The following C1orf146 variants were observed in gnomAD, a reference collection of about 807,000 sequenced individuals.
The protein encoded by C1orf146 is protein SPO16 homolog.
In C1orf146, 22 loss-of-function variants were observed where a neutral mutation model predicts 23.0. That is an observed-to-expected ratio of 0.96 (90% confidence interval 0.68 to 1.36). C1orf146 has a LOEUF of 1.36. Among genes scored for constraint, C1orf146 ranks in the 40% most tolerant of loss-of-function variants. The probability of loss-of-function intolerance (pLI) is 0.00; values close to 1 mark genes in which losing one functional copy is unlikely to be tolerated. For missense variants in C1orf146, 199 were observed against 206.8 expected (o/e 0.96, Z 0.23); for synonymous variants, 59 against 65.3 (o/e 0.90, Z 0.47).
chr1:92,221,761 A>T (rs1220172143), intron 1 of C1orf146, among the ~76,000 whole-genome samples: 6 of 152,206 alleles, frequency 3.9e-5, no homozygotes, highest in Non-Finnish European at 8.8e-5. Context: ...TTTAGTTTCC[A>T]TAGCAGCAAT....
intron 2 of C1orf146, chr1:92,240,839 C>G: frequency 1.4e-5 from 6 of 436,072 alleles, no homozygotes; most frequent in South Asian, 8.6e-5. Context: ...TAAATTTTAA[C>G]CTATCAGGAA....
At chr1:92,219,062 C>T (rs1290692680) in intron 1 of C1orf146, among the ~76,000 whole-genome samples, 2 of 152,162 alleles carry the variant, frequency 1.3e-5, no homozygotes, top group Non-Finnish European at 2.9e-5. Context: ...TTTAAATGAA[C>T]ATTTATGGAT....
At chr1:92,239,081 G>T (rs929975672) in intron 2 of C1orf146, among the ~76,000 whole-genome samples, 13 of 152,084 alleles carry the variant, frequency 8.5e-5, no homozygotes, top group African/African-American at 3.1e-4. Context: ...ATTTTAGGGA[G>T]CTTTCTTAAC....
At chr1:92,218,949 A>G (rs1282059538) in intron 1 of C1orf146, among the ~76,000 whole-genome samples, 1 of 152,208 alleles carries the variant, frequency 6.6e-6, no homozygotes, top group Non-Finnish European at 1.5e-5. Flanking sequence ...GACTTGGGAC[A>G]CGACTGACCC....
At position 92,231,490 on chromosome 1, in the gene C1orf146, A is replaced by G; in HGVS notation, c.66+4A>G. 6.3e-7 allele frequency: 1 copy of G among 1,596,720 alleles called. No individual in the cohort carries two copies. Among genetic ancestry groups the G allele is most frequent in the Non-Finnish European group, 8.5e-7 (1 of 1,173,002 alleles). ...TATTATTAGCTCATCTCTTAAGGTA[A>G]AGGGGCATTTGGGCCACTGATCTTT... On this transcript the variant is annotated splice_donor_region_variant and intron_variant, in intron 2 of 5. Coordinates refer to ENST00000370375, the MANE Select transcript of C1orf146 (RefSeq NM_001012425.2).
chr1:92,219,137 T>G (rs886828772), intron 1 of C1orf146, among the ~76,000 whole-genome samples: 5 of 152,232 alleles, frequency 3.3e-5, no homozygotes, highest in Admixed American at 3.3e-4. Context: ...AAAAAGTTCT[T>G]GTAACCTTTG....
intron 1 of C1orf146, 150 bp downstream of exon 1, chr1:92,218,198 C>T (rs1651723803): frequency 6.6e-6 from 1 of 152,216 alleles, no homozygotes; most frequent in African/African-American, 2.4e-5. Flanking sequence ...AGATCCTGCC[C>T]ACCCTATTTT....
At position 92,245,686 on chromosome 1, in the gene C1orf146, AATG is replaced by A. The variant is rs1442181773; in HGVS notation, c.*13_*15del. The A allele has an allele frequency of 1.3e-6, 2 of 1,512,960 alleles. No homozygotes were observed. Among genetic ancestry groups the A allele is most frequent in the African/African-American group, 2.8e-5 (2 of 70,206 alleles). 93.7% of individuals were successfully genotyped at this position (1,512,960 alleles called of 1,614,324 possible). A position where few individuals can be genotyped will look rare whatever the true frequency, so the allele number is the denominator to read the frequency against. On this transcript the variant is annotated 3_prime_UTR_variant, in exon 6 of 6. Coordinates refer to ENST00000370375, the MANE Select transcript of C1orf146 (RefSeq NM_001012425.2). ...TTAACCCAAATTAGAGTACCAACTT[AATG>A]TTTTTCTCGAAGAATGTGAAAATAA...
At chr1:92,226,566 A>G (rs951580105) in intron 1 of C1orf146, among the ~76,000 whole-genome samples, 5 of 152,226 alleles carry the variant, frequency 3.3e-5, no homozygotes, top group African/African-American at 9.6e-5. Flanking sequence ...CATTCTTAAC[A>G]TGGATGCAAG....
chr1:92,220,377 G>A (rs1651791267), intron 1 of C1orf146, among the ~76,000 whole-genome samples: 3 of 152,142 alleles, frequency 2.0e-5, no homozygotes, highest in African/African-American at 7.2e-5. Flanking sequence ...ATGGGGATGT[G>A]TTCTGAGAAA....
At chr1:92,244,609 A>T (rs1652526385) in intron 4 of C1orf146, among the ~76,000 whole-genome samples, 170 bp from the exon 5 acceptor site, 1 of 152,198 alleles carries the variant, frequency 6.6e-6, no homozygotes, top group South Asian at 2.1e-4. Flanking sequence ...ACACTTTTTT[A>T]GTCAGTGATG....
chr1:92,226,631 C>T (rs1246628462), intron 1 of C1orf146, among the ~76,000 whole-genome samples: 1 of 152,110 alleles, frequency 6.6e-6, no homozygotes, highest in Non-Finnish European at 1.5e-5. Flanking sequence ...ATATGTTTTC[C>T]CATCCTTTTA....
At chr1:92,228,632 C>T (rs1168499107) in intron 1 of C1orf146, among the ~76,000 whole-genome samples, 1 of 152,194 alleles carries the variant, frequency 6.6e-6, no homozygotes, top group Non-Finnish European at 1.5e-5. Context: ...GAACACTCAG[C>T]CCTGACACAT....
intron 1 of C1orf146, among the ~76,000 whole-genome samples, chr1:92,226,907 C>G (rs932743226): frequency 1.3e-5 from 2 of 152,026 alleles, no homozygotes; most frequent in African/African-American, 4.8e-5. Context: ...CTGTTTTTCT[C>G]TATTACCTTG....
chr1:92,225,460 T>C (rs1651943732), intron 1 of C1orf146, among the ~76,000 whole-genome samples: 1 of 152,210 alleles, frequency 6.6e-6, no homozygotes. Flanking sequence ...TTTAGTTACA[T>C]TTCATAAATT....
At chr1:92,237,712 C>T (rs1472900937) in intron 2 of C1orf146, among the ~76,000 whole-genome samples, 4 of 152,180 alleles carry the variant, frequency 2.6e-5, no homozygotes, top group Non-Finnish European at 5.9e-5. Flanking sequence ...CCTATTTGGC[C>T]ATCTTGGCTC....
At chr1:92,232,495 A>T (rs1652154536) in intron 2 of C1orf146, among the ~76,000 whole-genome samples, 1 of 151,792 alleles carries the variant, frequency 6.6e-6, no homozygotes, top group Admixed American at 6.6e-5. Flanking sequence ...ACATTTTCTT[A>T]ATCCAGTCTA....
rs775692504 is a variant in C1orf146 at position 92,245,528 on chromosome 1, A to G, written c.409-12A>G. The G allele has an allele frequency of 4.4e-6, 7 of 1,578,338 alleles. No individual in the cohort carries two copies. Among genetic ancestry groups the G allele is most frequent in the Non-Finnish European group, 6.0e-6 (7 of 1,163,706 alleles). ...TCTGTAAATAATGCTGCATCTTTATATCTTCTTCCAGACTACCTCCAAACC... is the reference window on the plus strand; with the variant it reads ...TCTGTAAATAATGCTGCATCTTTATGTCTTCTTCCAGACTACCTCCAAACC... On this transcript the variant is annotated splice_polypyrimidine_tract_variant and intron_variant, in intron 5 of 5. Coordinates refer to ENST00000370375, the MANE Select transcript of C1orf146 (RefSeq NM_001012425.2).
rs186498344 is a variant in C1orf146, at chr1:92,244,960, T to C, written c.408+103T>C. The C allele has an allele frequency of 1.6e-3, 1,057 of 677,866 alleles. 7 individuals are homozygous for C. Among genetic ancestry groups the C allele is most frequent in the Non-Finnish European group, 2.5e-4 (99 of 397,522 alleles). The allele number at this position is 677,866 out of a possible 1,614,324, so 42.0% of individuals were successfully genotyped here. On this transcript the variant is annotated intron_variant, in intron 5 of 5. Transcript: ENST00000370375. ...GAGACTGGCAAATATCATGCTTCTGTTCCCCTGCGGGAGTTGCTGTTTCAG... is the reference window on the plus strand; with the variant it reads ...GAGACTGGCAAATATCATGCTTCTGCTCCCCTGCGGGAGTTGCTGTTTCAG...
Sources: gnomAD v4.1 joint callset for allele counts (sites outside exome capture counted in the v4.1 genomes callset) on GRCh38, gnomAD v4.1.1 for gene constraint, MANE v1.5 for transcripts, NCBI Gene and HGNC (gene_info 2026-07-23, HGNC 2026-07-21) for gene names.